KIZ: variants seen among roughly 807,000 people sequenced by gnomAD.
KIZ encodes the protein kizuna centrosomal protein.
KIZ carries 68 observed loss-of-function variants against 79.6 expected under a neutral mutation model. The ratio of observed to expected loss-of-function variants is 0.85; its 90% CI spans 0.70 to 1.05. KIZ has a LOEUF of 1.05. KIZ is among the 50% of genes least tolerant of loss of function. The probability of loss-of-function intolerance (pLI) is 0.00; values close to 1 mark genes in which losing one functional copy is unlikely to be tolerated. For missense variants in KIZ, 797 were observed against 800.4 expected, an observed-to-expected ratio of 1.00 and a Z score of 0.05; for synonymous variants, 280 against 281.8, an observed-to-expected ratio of 0.99 and a Z score of 0.06.
intron 3 of KIZ, among the ~76,000 whole-genome samples, chr20:21,143,154 G>A (rs779502632): frequency 2.0e-5 from 3 of 152,142 alleles, no homozygotes; most frequent in Admixed American, 6.5e-5. Context: ...AAGCTTAGTT[G>A]CATCTCTCAT....
chr20:21,239,000 C>A (rs1398421231), intron 11 of KIZ, among the ~76,000 whole-genome samples: 1 of 152,226 alleles, frequency 6.6e-6, no homozygotes, highest in Admixed American at 6.5e-5. Flanking sequence ...CACTTAGAAC[C>A]CACGGCTGCA....
chr20:21,244,802 G>A (rs8115019), intron 12 of KIZ: 1,894 of 154,232 alleles, frequency 0.012, 29 homozygotes, highest in African/African-American at 0.043. Flanking sequence ...CTTCAGGGTA[G>A]AGTCTGAGCT....
At chr20:21,243,159 T>C (rs111628911) in intron 11 of KIZ, among the ~76,000 whole-genome samples, 3 of 152,110 alleles carry the variant, frequency 2.0e-5, no homozygotes, top group Admixed American at 6.5e-5. Context: ...TGCTGGCCTT[T>C]CCAGATGCTC....
At chr20:21,174,111 T>C (rs749028936) in intron 6 of KIZ, among the ~76,000 whole-genome samples, 9 of 152,194 alleles carry the variant, frequency 5.9e-5, no homozygotes, top group Non-Finnish European at 8.8e-5. Context: ...TTAAATAACC[T>C]GCTCAGGTCA....
At chr20:21,214,416 CA>C in intron 7 of KIZ, 118 bp from the exon 8 acceptor site, 1 of 637,830 alleles carries the variant, frequency 1.6e-6, no homozygotes, top group Admixed American at 3.1e-5. Context: ...ATGTGGGAAA[CA>C]GATTAAATCC....
intron 7 of KIZ, among the ~76,000 whole-genome samples, chr20:21,210,863 A>G (rs1022759063): frequency 2.0e-5 from 3 of 151,568 alleles, no homozygotes; most frequent in Non-Finnish European, 2.9e-5. Flanking sequence ...ACTTTTCTCT[A>G]CCTATTTATT....
Position 21,162,865 on chromosome 20 carries a change from G to A in KIZ, c.1058G>A (p.Arg353Lys). The A allele has an allele frequency of 1.2e-6, 2 of 1,612,710 alleles. No homozygotes were observed. Among genetic ancestry groups the A allele is most frequent in the Non-Finnish European group, 8.5e-7 (1 of 1,179,348 alleles). ...CCACTTGCAGATCATCTTGCTCACA[G>A]GGAACCAAAGTCACAAAAGCCCTTC... ...WEGVSDHLAH[R>K]EPKSQKPFRK... The change falls in exon 6 of 13, where the codon AGG becomes AAG. Residue 353 changes from arginine to lysine, a missense_variant. Arg to Lys is a conservative substitution (Grantham distance 26, BLOSUM62 2). Transcript: ENST00000619189.
intron 1 of KIZ, among the ~76,000 whole-genome samples, chr20:21,131,182 T>C (rs773306176): frequency 6.6e-6 from 1 of 152,206 alleles, no homozygotes; most frequent in Non-Finnish European, 1.5e-5. Context: ...CCCAGCCCCC[T>C]GGTTTTGGCT....
At chr20:21,228,961 T>C in intron 9 of KIZ, 50 bp from the exon 10 acceptor site, 2 of 1,012,038 alleles carry the variant, frequency 2.0e-6, no homozygotes, top group Non-Finnish European at 3.0e-6. Flanking sequence ...AAAAGCTTCT[T>C]TCTGGCCAGT....
At chr20:21,175,888 C>T (rs1464651663) in intron 6 of KIZ, among the ~76,000 whole-genome samples, 1 of 152,116 alleles carries the variant, frequency 6.6e-6, no homozygotes, top group Non-Finnish European at 1.5e-5. Flanking sequence ...TGGTGGCACA[C>T]GCCTGTATTC....
chr20:21,225,887 A>G (rs922909858), intron 9 of KIZ, among the ~76,000 whole-genome samples: 5 of 152,320 alleles, frequency 3.3e-5, no homozygotes, highest in Non-Finnish European at 5.9e-5. Context: ...GGTCTGTTTG[A>G]TACAGACAGC....
chr20:21,207,186 G>T (rs190973838), intron 7 of KIZ, among the ~76,000 whole-genome samples: 4 of 152,252 alleles, frequency 2.6e-5, no homozygotes, highest in African/African-American at 9.6e-5. Flanking sequence ...GTGTCTTGAA[G>T]TCACATGCCC....
At chr20:21,147,109 C>T (rs1353136236) in intron 4 of KIZ, among the ~76,000 whole-genome samples, 1 of 152,102 alleles carries the variant, frequency 6.6e-6, no homozygotes, top group Non-Finnish European at 1.5e-5. Context: ...ACGGCAGTGT[C>T]AATGGTACTT....
At chr20:21,169,433 G>A (rs1218325772) in intron 6 of KIZ, among the ~76,000 whole-genome samples, 1 of 152,122 alleles carries the variant, frequency 6.6e-6, no homozygotes, top group African/African-American at 2.4e-5. Context: ...GAAACAACAG[G>A]TGCTGGAGAG....
Position 21,214,689 on chromosome 20 carries a change from C to G in KIZ, c.1601C>G (p.Thr534Arg), listed in dbSNP as rs774065597. Residue 534 changes from threonine to arginine, a missense_variant, in exon 8 of 13, where the codon ACA becomes AGA. Physicochemically the swap from Thr to Arg is moderately conservative, Grantham distance 71. Transcript: ENST00000619189. ...KPAVWLNSVPTREQEVSSGCG... is the reference protein window; with the variant it reads ...KPAVWLNSVPRREQEVSSGCG... ...GCTGTATGGCTCAACAGTGTTCCTA[C>G]AAGGGAACAAGGTAACTATTGTTAA... 6.2e-6 allele frequency: 10 copies of G among 1,607,586 alleles called. No individual in the cohort carries two copies. The highest frequency in any genetic ancestry group is 8.5e-6 in the Non-Finnish European group (10 of 1,174,424).
At chr20:21,190,559 T>C (rs901629845) in intron 6 of KIZ, among the ~76,000 whole-genome samples, 5 of 152,216 alleles carry the variant, frequency 3.3e-5, no homozygotes, top group African/African-American at 1.2e-4. Flanking sequence ...GCCACAAATA[T>C]TGAATTAGCC....
Position 21,218,934 on chromosome 20 carries a change from G to A in KIZ, c.1678+3286G>A, listed in dbSNP as rs2036402395. Among the ~76,000 whole-genome samples the A allele has an allele frequency of 3.3e-5, 5 of 152,342 alleles. No homozygotes were observed. In the South Asian group the frequency reaches 1.0e-3, roughly 32 times the overall value. Reference sequence around the variant, plus strand: ...TTGAATTGACAGTAAGGTTACAATAGTAATTTTAGGCGCCCAGAAGTGCTA... The same window carrying A: ...TTGAATTGACAGTAAGGTTACAATAATAATTTTAGGCGCCCAGAAGTGCTA... On this transcript the variant is annotated intron_variant, in intron 9 of 12. Transcript: ENST00000619189.
intron 2 of KIZ, among the ~76,000 whole-genome samples, chr20:21,132,501 G>C (rs745702868): frequency 6.6e-6 from 1 of 152,184 alleles, no homozygotes; most frequent in African/African-American, 2.4e-5. Flanking sequence ...GGCTGGTCTC[G>C]AACTCCTGAC....
chr20:21,230,739 T>C (rs1057057017), intron 10 of KIZ, among the ~76,000 whole-genome samples: 19 of 152,300 alleles, frequency 1.2e-4, no homozygotes, highest in Admixed American at 1.2e-3. Flanking sequence ...ACATAAGACA[T>C]TGTAGTTTAT....
Sources: gnomAD v4.1 joint callset for allele counts (sites outside exome capture counted in the v4.1 genomes callset) on GRCh38, gnomAD v4.1.1 for gene constraint, MANE v1.5 for transcripts, NCBI Gene and HGNC (gene_info 2026-07-23, HGNC 2026-07-21) for gene names.